The following POLR3E variants were observed in gnomAD, a reference collection of about 807,000 sequenced individuals.
POLR3E encodes DNA-directed RNA polymerase III subunit RPC5.
POLR3E carries 41 observed loss-of-function variants against 96.6 expected under a neutral mutation model. The observed-to-expected ratio is 0.42, with a 90% CI of 0.33 to 0.55. POLR3E has a LOEUF of 0.55. Ranked by LOEUF, POLR3E falls within the 20% of genes least tolerant of loss-of-function variation. POLR3E has a pLI of 0.06. For synonymous variants in POLR3E, 396 were observed against 383.6 expected, an observed-to-expected ratio of 1.03 and a Z score of -0.38; for missense variants, 849 against 952.1, an observed-to-expected ratio of 0.89 and a Z score of 1.43.
chr16:22,303,716 C>G (rs189247231), intron 2 of POLR3E, among the ~76,000 whole-genome samples: 1 of 148,490 alleles, frequency 6.7e-6, no homozygotes, highest in Admixed American at 6.7e-5. Context: ...TCTCGGCTCA[C>G]TGCAACCTTC....
intron 9 of POLR3E, 51 bp downstream of exon 9, chr16:22,315,259 G>A: frequency 1.3e-6 from 2 of 1,540,584 alleles, no homozygotes; most frequent in Non-Finnish European, 1.8e-6. Flanking sequence ...TGCCCGGAAG[G>A]GTCATGGTGT....
intron 1 of POLR3E, among the ~76,000 whole-genome samples, chr16:22,299,978 G>A (rs1353594112): frequency 3.9e-5 from 6 of 152,164 alleles, no homozygotes; most frequent in African/African-American, 1.4e-4. Flanking sequence ...GCCTCCCAAA[G>A]TGTTGGGATT....
chr16:22,301,406 G>A lies in POLR3E; in HGVS notation c.-38-1525G>A, dbSNP rs533908655. On this transcript the variant is annotated intron_variant, in intron 1 of 20. Coordinates refer to ENST00000299853, the MANE Select transcript of POLR3E (RefSeq NM_018119.4). The stretch of plus-strand genomic sequence containing the variant: ...AGACCAGCCTGGCCAATATGGCAAA[G>A]CCCCGTCTCTACTGAAAATACAAAA... Among the ~76,000 whole-genome samples, 12 of 151,764 alleles carry A rather than the reference G, an allele frequency of 7.9e-5. 1 individual carries two copies. The South Asian group carries it at 2.5e-3, about 32-fold the overall frequency.
At chr16:22,324,149 G>C (rs977482374) in intron 14 of POLR3E, among the ~76,000 whole-genome samples, 1 of 151,982 alleles carries the variant, frequency 6.6e-6, no homozygotes, top group Non-Finnish European at 1.5e-5. Context: ...TGGAAGAGAT[G>C]GGCCTGGAGC....
At chr16:22,324,442 C>T (rs758355149) in intron 15 of POLR3E, 29 bp downstream of exon 15, 3 of 1,611,106 alleles carry the variant, frequency 1.9e-6, no homozygotes, top group Middle Eastern at 1.7e-4. Context: ...GTCTGAGGCC[C>T]AGGCTGCTGC....
At chr16:22,308,100 G>T in intron 3 of POLR3E, 48 bp from the exon 4 acceptor site, 1 of 1,437,092 alleles carries the variant, frequency 7.0e-7, no homozygotes, top group South Asian at 1.1e-5. Context: ...GCCCAGCTCT[G>T]GGCATGGCTG....
At position 22,313,694 on chromosome 16, in the gene POLR3E, G is replaced by A. The variant is rs778574644; in HGVS notation, c.439G>A (p.Ala147Thr). The A allele has an allele frequency of 5.6e-6, 9 of 1,613,448 alleles. No homozygotes were observed. Among genetic ancestry groups the A allele is most frequent in the Admixed American group, 1.7e-5 (1 of 60,016 alleles). The change falls in exon 7 of 21, where the codon GCC becomes ACC. Residue 147 changes from alanine to threonine, a missense_variant. Coordinates refer to ENST00000299853, the MANE Select transcript of POLR3E (RefSeq NM_018119.4). The surrounding 1 kb of genome is among the most constrained non-coding windows in gnomAD (Gnocchi z 4.1). ...CTTCTCCTACCTGGATAAGGCTGACGCCAAGCACCGGGAGAGGGAGGCGGC... is the reference window on the plus strand; with the variant it reads ...CTTCTCCTACCTGGATAAGGCTGACACCAAGCACCGGGAGAGGGAGGCGGC... ...PSFSYLDKAD[A>T]KHREREAANE... is the part of the protein sequence containing the mutation.
intron 13 of POLR3E, among the ~76,000 whole-genome samples, 175 bp downstream of exon 13, chr16:22,319,121 C>T (rs1333794734): frequency 6.6e-6 from 1 of 151,348 alleles, no homozygotes; most frequent in Admixed American, 6.6e-5. Flanking sequence ...ATTATAGGTG[C>T]CCGCCACCAT....
At chr16:22,308,345 A>G in intron 4 of POLR3E, 120 bp downstream of exon 4, 4 of 783,536 alleles carry the variant, frequency 5.1e-6, no homozygotes, top group Non-Finnish European at 8.9e-6. Context: ...AGCAACTCCC[A>G]GGCCCTTGAA....
chr16:22,323,937 CAGGGGGCTGA>C (rs1436932765), intron 14 of POLR3E, among the ~76,000 whole-genome samples: 1 of 152,188 alleles, frequency 6.6e-6, no homozygotes, highest in Admixed American at 6.5e-5. Flanking sequence ...GTGGGGGCTG[CAGGGGGCTGA>C]GAGCTTCTGG....
At chr16:22,317,870 C>T (rs568750591) in intron 12 of POLR3E, among the ~76,000 whole-genome samples, 1 of 152,028 alleles carries the variant, frequency 6.6e-6, no homozygotes, top group East Asian at 1.9e-4. Context: ...TCTTGCCAGA[C>T]CTGGCACCAT....
intron 14 of POLR3E, 81 bp downstream of exon 14, chr16:22,323,012 G>T (rs963550577): frequency 8.2e-5 from 75 of 918,196 alleles, no homozygotes; most frequent in Non-Finnish European, 1.2e-4. Flanking sequence ...GAAGACCGGG[G>T]CCCGGCAGAG....
chr16:22,312,640 G>T (rs1413444367), intron 6 of POLR3E, among the ~76,000 whole-genome samples: 1 of 152,096 alleles, frequency 6.6e-6, no homozygotes, highest in Non-Finnish European at 1.5e-5. Context: ...GCCAAGACGG[G>T]CAGATCACAA....
intron 6 of POLR3E, among the ~76,000 whole-genome samples, chr16:22,310,766 T>C (rs1210835697): frequency 2.6e-5 from 4 of 151,528 alleles, no homozygotes; most frequent in East Asian, 3.9e-4. Flanking sequence ...CTACAAAAAA[T>C]ACAAACATTA....
At chr16:22,305,436 C>T (rs1567309233) in intron 3 of POLR3E, 3 of 691,014 alleles carry the variant, frequency 4.3e-6, no homozygotes, top group African/African-American at 1.8e-5. Context: ...AAAGCTGGGG[C>T]TCTGGGGTCA....
intron 3 of POLR3E, 138 bp from the exon 4 acceptor site, chr16:22,308,010 G>T: frequency 1.5e-6 from 1 of 653,354 alleles, no homozygotes. Flanking sequence ...GTAGGGCTGG[G>T]CAGCTTGTAC....
chr16:22,332,047 T>C lies in POLR3E; in HGVS notation c.1945-13T>C. On this transcript the variant is annotated splice_polypyrimidine_tract_variant and intron_variant, in intron 19 of 20. Coordinates refer to ENST00000299853, the MANE Select transcript of POLR3E (RefSeq NM_018119.4). Reference sequence around the variant, plus strand: ...TCACTGTTTCCCATCATAACGTGTTTTTGCTACTAAAGCATCGACAGGTTT... The same window carrying C: ...TCACTGTTTCCCATCATAACGTGTTCTTGCTACTAAAGCATCGACAGGTTT... 6.2e-7 allele frequency: 1 copy of C among 1,612,722 alleles called. No homozygotes were observed. The highest frequency in any genetic ancestry group is 8.5e-7 in the Non-Finnish European group (1 of 1,179,238).
chr16:22,328,484 G>A, intron 18 of POLR3E, 26 bp from the exon 19 acceptor site: 1 of 1,598,210 alleles, frequency 6.3e-7, no homozygotes, highest in Non-Finnish European at 8.6e-7. Context: ...AGATGGACAA[G>A]CAACTCACCC....
rs1598283380 is a variant in POLR3E, at chr16:22,333,771, C to T, written c.*71C>T. Reference sequence around the variant, plus strand: ...AAGGGCGGAACCAGAAGTAGGGCCTCGACTTGCTTCAGACGACACAGAGCA... The same window carrying T: ...AAGGGCGGAACCAGAAGTAGGGCCTTGACTTGCTTCAGACGACACAGAGCA... On this transcript the variant is annotated 3_prime_UTR_variant, in exon 21 of 21. Transcript: ENST00000299853. The T allele has an allele frequency of 1.9e-6, 2 of 1,036,280 alleles. No homozygotes were observed. Among genetic ancestry groups the T allele is most frequent in the East Asian group, 2.4e-5 (1 of 42,226 alleles). 64.2% of individuals were successfully genotyped at this position (1,036,280 alleles called of 1,614,324 possible). A position where few individuals can be genotyped will look rare whatever the true frequency, so the allele number is the denominator to read the frequency against.
Sources: allele counts gnomAD v4.1 joint callset (sites outside exome capture counted in the v4.1 genomes callset), GRCh38; gene constraint gnomAD v4.1.1; non-coding constraint Gnocchi (gnomAD v3.1); transcripts MANE v1.5; gene names NCBI Gene and HGNC (gene_info 2026-07-23, HGNC 2026-07-21).